Variants in ATF6 observed in about 807,000 individuals in gnomAD.
ATF6 encodes cyclic AMP-dependent transcription factor ATF-6 alpha.
In ATF6, 53 loss-of-function variants were observed where a neutral mutation model predicts 83.6. The ratio of observed to expected loss-of-function variants is 0.63; its 90% confidence interval spans 0.51 to 0.80. The LOEUF (loss-of-function observed/expected upper bound fraction) is 0.80. Ranked by LOEUF, ATF6 falls within the 30% of genes least tolerant of loss-of-function variation. ATF6 has a pLI of 0.00. For synonymous variants in ATF6, 288 were observed against 285.8 expected (o/e 1.01, Z -0.08); for missense variants, 744 against 797.9 (o/e 0.93, Z 0.81).
chr1:161,923,502 A>C (rs770737409), intron 15 of ATF6, among the ~76,000 whole-genome samples: 4 of 152,176 alleles, frequency 2.6e-5, no homozygotes, highest in Non-Finnish European at 4.4e-5. Flanking sequence ...ACTCTCTACT[A>C]TAAGGTAAAC....
Position 161,851,713 on chromosome 1 carries a change from A to G in ATF6, c.1320-9A>G. 4 of 1,596,390 alleles carry G rather than the reference A, an allele frequency of 2.5e-6. No individual in the cohort carries two copies. Among genetic ancestry groups the G allele is most frequent in the East Asian group, 2.2e-5 (1 of 44,702 alleles). Reference sequence around the variant, plus strand: ...ACAAGGAAACAAATTTTGTGCATCCATGTTTCAGATATGATCATTCTGTTT... The same window carrying G: ...ACAAGGAAACAAATTTTGTGCATCCGTGTTTCAGATATGATCATTCTGTTT... On this transcript the variant is annotated splice_polypyrimidine_tract_variant and intron_variant, in intron 10 of 15. Transcript: ENST00000367942.
chr1:161,946,060 C>T (rs187046126), intron 15 of ATF6, among the ~76,000 whole-genome samples: 25 of 152,246 alleles, frequency 1.6e-4, no homozygotes, highest in African/African-American at 5.5e-4. Context: ...GGCTGTAGTG[C>T]GGTGGCTAGA....
intron 9 of ATF6, among the ~76,000 whole-genome samples, chr1:161,827,104 T>C (rs1383410670): frequency 1.3e-5 from 2 of 152,074 alleles, no homozygotes; most frequent in South Asian, 2.1e-4. Context: ...GCTAATTTTT[T>C]GTATTTTTAG....
intron 1 of ATF6, among the ~76,000 whole-genome samples, chr1:161,771,481 G>T (rs759446273): frequency 2.6e-5 from 4 of 152,130 alleles, no homozygotes; most frequent in Non-Finnish European, 4.4e-5. Flanking sequence ...GGTGGGATAG[G>T]TGTCTCCATT....
At chr1:161,950,847 G>A (rs933847326) in intron 15 of ATF6, among the ~76,000 whole-genome samples, 7 of 152,160 alleles carry the variant, frequency 4.6e-5, no homozygotes, top group Non-Finnish European at 1.0e-4. Flanking sequence ...AAGAAAATAC[G>A]TAATAATTTT....
intron 15 of ATF6, among the ~76,000 whole-genome samples, chr1:161,937,825 C>T (rs1688568778): frequency 6.6e-6 from 1 of 151,756 alleles, no homozygotes; most frequent in South Asian, 2.1e-4. Flanking sequence ...ACCACCATGG[C>T]ACATGTATAC....
chr1:161,837,418 G>A (rs191579143), intron 9 of ATF6, among the ~76,000 whole-genome samples: 1 of 152,180 alleles, frequency 6.6e-6, no homozygotes, highest in Non-Finnish European at 1.5e-5. Context: ...TGGACTTTTT[G>A]GTGTCTGTGT....
At chr1:161,911,615 A>G (rs1045548942) in intron 14 of ATF6, among the ~76,000 whole-genome samples, 5 of 152,216 alleles carry the variant, frequency 3.3e-5, no homozygotes, top group Admixed American at 2.6e-4. Context: ...AAACTGTACA[A>G]CTTCTTTAGC....
chr1:161,789,372 GTT>G (rs764006049), intron 4 of ATF6, among the ~76,000 whole-genome samples: 1 of 138,926 alleles, frequency 7.2e-6, no homozygotes, highest in African/African-American at 2.7e-5. Flanking sequence ...GATTTCAATT[GTT>G]TTGGTTTTTT....
intron 14 of ATF6, among the ~76,000 whole-genome samples, chr1:161,877,809 GA>G (rs1232441876): frequency 6.6e-6 from 1 of 152,094 alleles, no homozygotes; most frequent in Non-Finnish European, 1.5e-5. Flanking sequence ...GCAGCAAAGT[GA>G]TGAATGGATT....
chr1:161,835,802 A>T (rs1686198953), intron 9 of ATF6, among the ~76,000 whole-genome samples: 1 of 152,110 alleles, frequency 6.6e-6, no homozygotes, highest in African/African-American at 2.4e-5. Context: ...TTCCTTTGTT[A>T]TGTTTTCCCC....
Position 161,846,582 on chromosome 1 carries a change from T to C in ATF6, c.1319+2T>C, listed in dbSNP as rs1686492794. 1.3e-6 allele frequency: 2 copies of C among 1,599,218 alleles called. No homozygotes were observed. Among genetic ancestry groups the C allele is most frequent in the Non-Finnish European group, 1.7e-6 (2 of 1,172,732 alleles). Reference sequence around the variant, plus strand: ...TATTATCCAGAAAAACAGCTACAGGTAAGATGGCATGCATCTATCTTTTGG... The same window carrying C: ...TATTATCCAGAAAAACAGCTACAGGCAAGATGGCATGCATCTATCTTTTGG... On this transcript the variant is annotated splice_donor_variant, in intron 10 of 15. Transcript: ENST00000367942. LOFTEE classifies it high-confidence loss of function.
chr1:161,957,898 TG>T (rs1437102743), intron 15 of ATF6, among the ~76,000 whole-genome samples: 1 of 152,194 alleles, frequency 6.6e-6, no homozygotes, highest in Non-Finnish European at 1.5e-5. Flanking sequence ...ACACTCCTAA[TG>T]GCAAACCTTT....
chr1:161,804,327 C>T (rs769756427), intron 7 of ATF6, among the ~76,000 whole-genome samples: 2 of 151,804 alleles, frequency 1.3e-5, no homozygotes, highest in Non-Finnish European at 2.9e-5. Context: ...CATAGGTCAA[C>T]AGTATATCAC....
intron 14 of ATF6, among the ~76,000 whole-genome samples, chr1:161,871,548 C>T (rs1329950220): frequency 1.3e-5 from 2 of 151,552 alleles, no homozygotes; most frequent in African/African-American, 4.8e-5. Flanking sequence ...AAGTTCTCAT[C>T]AAATTTTTTG....
chr1:161,869,482 T>G (rs1687077890), intron 14 of ATF6, among the ~76,000 whole-genome samples: 1 of 151,924 alleles, frequency 6.6e-6, no homozygotes, highest in African/African-American at 2.4e-5. Flanking sequence ...GTTTGGCCAT[T>G]TTCTTATCTC....
Position 161,823,609 on chromosome 1 carries a change from C to A in ATF6, c.1187+2448C>A, listed in dbSNP as rs116099246. 7.6e-3 allele frequency among the ~76,000 whole-genome samples: 1,156 copies of A among 152,266 alleles called. 18 individuals are homozygous for A. Among genetic ancestry groups the A allele is most frequent in the African/African-American group, 0.027 (1,109 of 41,558 alleles). ...CTAAAACACATGGGGATACTTGAGA[C>A]CTATTGTTGCTTCTTTAGGTCAAAT... On this transcript the variant is annotated intron_variant, in intron 9 of 15. Coordinates refer to ENST00000367942, the MANE Select transcript of ATF6 (RefSeq NM_007348.4).
rs1170637463 is a variant in ATF6 at position 161,947,838 on chromosome 1, T to TTTG, written c.1805-10606_1805-10605insGTT. On this transcript the variant is annotated intron_variant, in intron 15 of 15. Transcript: ENST00000367942. ...TTTTTTTTTTTTTTTTTTTTTTTTT[T>TTTG]TTTGAGATGGAGTGTTGCTCTTCTT... Among the ~76,000 whole-genome samples the TTTG allele has an allele frequency of 1.6e-3, 125 of 80,498 alleles. 1 individual carries two copies. Among genetic ancestry groups the TTTG allele is most frequent in the African/African-American group, 4.3e-3 (113 of 26,018 alleles). 52.8% of individuals were successfully genotyped at this position (80,498 alleles called of 152,430 possible).
At chr1:161,860,615 AT>A (rs1278991685) in intron 13 of ATF6, among the ~76,000 whole-genome samples, 3 of 152,024 alleles carry the variant, frequency 2.0e-5, no homozygotes, top group African/African-American at 4.8e-5. Flanking sequence ...AGGGAAGGGA[AT>A]GTTATTTTTT....
Sources: allele counts gnomAD v4.1 joint callset (sites outside exome capture counted in the v4.1 genomes callset), GRCh38; gene constraint gnomAD v4.1.1; transcripts MANE v1.5; gene names NCBI Gene and HGNC (gene_info 2026-07-23, HGNC 2026-07-21).